Variants in CYFIP1 observed in about 807,000 individuals in gnomAD.
CYFIP1 encodes cytoplasmic FMR1-interacting protein 1.
CYFIP1 carries 58 observed loss-of-function variants against 163.5 expected under a neutral mutation model. The observed-to-expected ratio is 0.35, with a 90% CI of 0.29 to 0.44. The LOEUF is 0.44. Among genes scored for constraint, CYFIP1 ranks in the 20% least tolerant of loss-of-function variants. CYFIP1 has a pLI of 1.00. For synonymous variants in CYFIP1, 663 were observed against 660.7 expected, an observed-to-expected ratio of 1.00 and a Z score of -0.05; for missense variants, 1,338 against 1,653.8, an observed-to-expected ratio of 0.81 and a Z score of 3.31.
In CYFIP1 at chr15:22,899,200, C is replaced by T. The variant is rs895717630; in HGVS notation, c.2588+4506G>A. Among the ~76,000 whole-genome samples, 5 of 151,784 alleles carry T rather than the reference C, an allele frequency of 3.3e-5. No homozygotes were observed. In the East Asian group the frequency reaches 9.6e-4, roughly 29 times the overall value. On this transcript the variant is annotated intron_variant, in intron 22 of 30. Transcript: ENST00000617928. Reference sequence around the variant, plus strand: ...TGGAAATGAGCAAATGAGTAATATACTAAGAATAATGAAGCAAGGATCCTC... The same window carrying T: ...TGGAAATGAGCAAATGAGTAATATATTAAGAATAATGAAGCAAGGATCCTC...
At chr15:22,901,032 G>A (rs2060378312) in intron 22 of CYFIP1, among the ~76,000 whole-genome samples, 1 of 151,534 alleles carries the variant, frequency 6.6e-6, no homozygotes, top group Non-Finnish European at 1.5e-5. Context: ...GTGAAACCCT[G>A]TCTCTATTAA....
chr15:22,895,488 T>C (rs1282507772), intron 22 of CYFIP1, among the ~76,000 whole-genome samples: 2 of 151,880 alleles, frequency 1.3e-5, no homozygotes, highest in Non-Finnish European at 2.9e-5. Flanking sequence ...CAACTTCTTC[T>C]TGATTTATCA....
In CYFIP1 at chr15:22,918,710, T is replaced by G; in HGVS notation, c.1508A>C (p.Lys503Thr). The change falls in exon 14 of 31, where the codon AAG (lysine) becomes ACG (threonine). Residue 503 changes from lysine to threonine, a missense_variant. Physicochemically the swap from Lys to Thr is moderately conservative, Grantham distance 78. Around this residue, in one of 4 missense-constraint regions of CYFIP1, gnomAD observed 824 missense variants for 995.7 expected, o/e 0.83. Coordinates refer to ENST00000617928, the MANE Select transcript of CYFIP1 (RefSeq NM_014608.6). ...GGCTGACCTCTGGATGACGTTCTTC[T>G]TCTTCTTGATGGCCTGCCGCAGCGG... is the stretch of plus-strand genomic sequence containing the variant. ...REPLRQAIKK[K>T]KNVIQSVLQA... 1 of 1,605,148 alleles carries G rather than the reference T, an allele frequency of 6.2e-7. No homozygotes were observed. Among genetic ancestry groups the G allele is most frequent in the Non-Finnish European group, 8.5e-7 (1 of 1,175,972 alleles).
At chr15:22,968,797 C>A (rs1159169651) in intron 1 of CYFIP1, among the ~76,000 whole-genome samples, 2 of 152,224 alleles carry the variant, frequency 1.3e-5, no homozygotes, top group Non-Finnish European at 2.9e-5. Flanking sequence ...TCTCTGGGGG[C>A]AGCTGGCCCC....
At chr15:22,976,605 A>G (rs185181026) in intron 1 of CYFIP1, among the ~76,000 whole-genome samples, 1 of 152,342 alleles carries the variant, frequency 6.6e-6, no homozygotes, top group Non-Finnish European at 1.5e-5. Flanking sequence ...GATATTTTGA[A>G]AGAGAGAACA....
At chr15:22,937,662 C>T (rs564141793) in intron 8 of CYFIP1, among the ~76,000 whole-genome samples, 11 of 150,880 alleles carry the variant, frequency 7.3e-5, no homozygotes, top group African/African-American at 2.7e-4. Flanking sequence ...GCAGTGGTGC[C>T]ATCTCAGCTC....
In CYFIP1 at chr15:22,956,788, G is replaced by A. The variant is rs922665679; in HGVS notation, c.-6-9497C>T. Reference sequence around the variant, plus strand: ...GGGCCCAGGCTCCCAAGATGCCAGCGAGCACACAGCAGAATGGTGGCTGCA... The same window carrying A: ...GGGCCCAGGCTCCCAAGATGCCAGCAAGCACACAGCAGAATGGTGGCTGCA... On this transcript the variant is annotated intron_variant, in intron 1 of 30. Coordinates refer to ENST00000617928, the MANE Select transcript of CYFIP1 (RefSeq NM_014608.6). Among the ~76,000 whole-genome samples the A allele has an allele frequency of 3.3e-5, 5 of 152,304 alleles. 1 individual carries two copies. In the South Asian group the frequency reaches 1.0e-3, roughly 32 times the overall value.
intron 13 of CYFIP1, among the ~76,000 whole-genome samples, chr15:22,921,310 G>C (rs2061167908): frequency 6.6e-6 from 1 of 152,074 alleles, no homozygotes; most frequent in Admixed American, 6.6e-5. Context: ...GGAGGTTGCA[G>C]TGAGCTGAGA....
At chr15:22,915,120 G>C (rs1391316478) in intron 16 of CYFIP1, 1 of 401,896 alleles carries the variant, frequency 2.5e-6, no homozygotes, top group Non-Finnish European at 4.3e-6. Flanking sequence ...GGGATCCAGG[G>C]GGAAAGTGTC....
At chr15:22,922,272 C>A (rs898867479) in intron 13 of CYFIP1, among the ~76,000 whole-genome samples, 1 of 152,184 alleles carries the variant, frequency 6.6e-6, no homozygotes. Flanking sequence ...GTTTTGAGGA[C>A]CTAGAGTCTG....
intron 1 of CYFIP1, among the ~76,000 whole-genome samples, chr15:22,962,959 T>C: frequency 6.6e-6 from 1 of 152,256 alleles, no homozygotes. Context: ...TGTCATGACC[T>C]CTGAGGAACA....
At chr15:22,928,123 A>C in intron 11 of CYFIP1, 95 bp from the exon 12 acceptor site, 1 of 1,358,482 alleles carries the variant, frequency 7.4e-7, no homozygotes, top group Non-Finnish European at 9.6e-7. Flanking sequence ...CCAAAGTCAC[A>C]CGTGTGAAAA....
intron 23 of CYFIP1, among the ~76,000 whole-genome samples, chr15:22,883,412 G>GGA (rs957332966): frequency 2.8e-4 from 43 of 152,322 alleles, no homozygotes; most frequent in African/African-American, 9.9e-4. Context: ...CCCGGAGCCG[G>GGA]GAGAGAGACC....
intron 24 of CYFIP1, 41 bp from the exon 25 acceptor site, chr15:22,881,977 C>T (rs764220787): frequency 6.3e-7 from 1 of 1,574,922 alleles, no homozygotes; most frequent in Admixed American, 1.7e-5. Context: ...CCACCCCACT[C>T]CGCTCTGCTA....
At chr15:22,896,601 G>A (rs2060245088) in intron 22 of CYFIP1, among the ~76,000 whole-genome samples, 1 of 151,722 alleles carries the variant, frequency 6.6e-6, no homozygotes, top group South Asian at 2.1e-4. Flanking sequence ...AGTCTACTCT[G>A]ATATTCGGCC....
rs1566895650 is a variant in CYFIP1, at chr15:22,868,260, G to GT, written c.*1767dup. The GT allele has an allele frequency of 6.6e-6, 1 of 151,932 alleles. No individual in the cohort carries two copies. The highest frequency in any genetic ancestry group is 2.4e-5 in the African/African-American group (1 of 41,290). The allele number at this position is 151,932 out of a possible 1,614,324, so 9.4% of individuals were successfully genotyped here. On this transcript the variant is annotated 3_prime_UTR_variant, in exon 31 of 31. Coordinates refer to ENST00000617928, the MANE Select transcript of CYFIP1 (RefSeq NM_014608.6). ...CATTTTAATACTACAGATGTACTAC[G>GT]TATCTGTTTATATACTGTACCTACA...
At chr15:22,886,692 T>C (rs1201023826) in intron 23 of CYFIP1, among the ~76,000 whole-genome samples, 1 of 152,204 alleles carries the variant, frequency 6.6e-6, no homozygotes, top group Non-Finnish European at 1.5e-5. Context: ...GTGAGTTTTA[T>C]GGCCCAGCGT....
At chr15:22,882,303 A>G (rs1336675478) in intron 24 of CYFIP1, among the ~76,000 whole-genome samples, 5 of 152,224 alleles carry the variant, frequency 3.3e-5, no homozygotes, top group Non-Finnish European at 2.9e-5. Flanking sequence ...GTGCGGCCCC[A>G]GGCTCAGCTG....
intron 1 of CYFIP1, among the ~76,000 whole-genome samples, chr15:22,960,207 C>T (rs1211664355): frequency 6.6e-6 from 1 of 152,210 alleles, no homozygotes; most frequent in African/African-American, 2.4e-5. Flanking sequence ...ACCTACACTA[C>T]ACCTCACTCG....
Sources: allele counts gnomAD v4.1 joint callset (sites outside exome capture counted in the v4.1 genomes callset), GRCh38; gene constraint gnomAD v4.1.1; regional missense constraint gnomAD v4.1.1; transcripts MANE v1.5; gene names NCBI Gene and HGNC (gene_info 2026-07-23, HGNC 2026-07-21).